The following DPYD variants were observed in gnomAD, a reference collection of about 807,000 sequenced individuals.
DPYD encodes the protein dihydropyrimidine dehydrogenase.
A neutral mutation model predicts 116.2 loss-of-function variants in DPYD; 109 were observed. The observed-to-expected ratio is 0.94, with a 90% confidence interval of 0.80 to 1.10. DPYD has a LOEUF of 1.10. Ranked by LOEUF, DPYD falls within the 50% of genes least tolerant of loss-of-function variation. The pLI is 0.00. For missense variants in DPYD, 1,302 were observed against 1,254.5 expected (o/e 1.04, Z -0.57); for synonymous variants, 440 against 432.0 (o/e 1.02, Z -0.23).
chr1:97,764,490 T>C (rs1398620770), intron 3 of DPYD, among the ~76,000 whole-genome samples: 1 of 152,072 alleles, frequency 6.6e-6, no homozygotes, highest in African/African-American at 2.4e-5. Flanking sequence ...TTAATAATAA[T>C]GAATACTTTT....
At chr1:97,374,725 A>AAAG (rs1275189285) in intron 15 of DPYD, among the ~76,000 whole-genome samples, 2 of 102,250 alleles carry the variant, frequency 2.0e-5, no homozygotes, top group African/African-American at 5.6e-5. Flanking sequence ...TCAGAAAAAA[A>AAAG]AAAAAAAAAA....
At chr1:97,120,254 T>C (rs1652320584) in intron 20 of DPYD, among the ~76,000 whole-genome samples, 1 of 152,214 alleles carries the variant, frequency 6.6e-6, no homozygotes, top group Non-Finnish European at 1.5e-5. Flanking sequence ...TTCTTCAAAA[T>C]GTGTATTCCT....
intron 13 of DPYD, among the ~76,000 whole-genome samples, chr1:97,451,045 G>A (rs966573196): frequency 6.6e-6 from 1 of 152,018 alleles, no homozygotes; most frequent in Non-Finnish European, 1.5e-5. Context: ...TTTAGTTAAG[G>A]ATTTATCAGA....
At chr1:97,584,121 T>C (rs535961502) in intron 10 of DPYD, among the ~76,000 whole-genome samples, 19 of 152,328 alleles carry the variant, frequency 1.2e-4, no homozygotes, top group Non-Finnish European at 2.4e-4. Context: ...TGGTGTGAGA[T>C]GGTATCTCAT....
At chr1:97,098,430 T>G in intron 21 of DPYD, 59 bp downstream of exon 21, 1 of 1,566,614 alleles carries the variant, frequency 6.4e-7, no homozygotes. Context: ...ACATTTTAAC[T>G]ATATTTGTAT....
intron 20 of DPYD, among the ~76,000 whole-genome samples, chr1:97,102,453 A>AATT: frequency 1.4e-5 from 1 of 72,190 alleles, no homozygotes; most frequent in African/African-American, 5.1e-5. Flanking sequence ...ATAAACCTGA[A>AATT]ATCTATTATC....
At chr1:97,203,663 C>CCT (rs1659374888) in intron 19 of DPYD, among the ~76,000 whole-genome samples, 1 of 17,176 alleles carries the variant, frequency 5.8e-5, no homozygotes, top group Non-Finnish European at 9.4e-5. Flanking sequence ...TGAGTTCAGA[C>CCT]CCCCCCCCCC....
chr1:97,885,064 G>C (rs1201334112), intron 1 of DPYD, among the ~76,000 whole-genome samples: 1 of 151,874 alleles, frequency 6.6e-6, no homozygotes, highest in Non-Finnish European at 1.5e-5. Context: ...GGAATCCAGA[G>C]GCTATGTGCA....
At chr1:97,206,452 G>T (rs1209120571) in intron 19 of DPYD, among the ~76,000 whole-genome samples, 2 of 150,996 alleles carry the variant, frequency 1.3e-5, no homozygotes, top group African/African-American at 4.9e-5. Context: ...TAGCAGATGG[G>T]TAAATATGGG....
chr1:97,196,988 A>G (rs1448750481), intron 19 of DPYD, among the ~76,000 whole-genome samples: 1 of 152,222 alleles, frequency 6.6e-6, no homozygotes, highest in Non-Finnish European at 1.5e-5. Context: ...TTACTTGTAC[A>G]GTATGAGTAA....
intron 8 of DPYD, among the ~76,000 whole-genome samples, chr1:97,600,448 T>A (rs1655179115): frequency 6.6e-6 from 1 of 152,184 alleles, no homozygotes; most frequent in Non-Finnish European, 1.5e-5. Flanking sequence ...ACTTTTGTCT[T>A]TATTTTTGTT....
At chr1:97,668,195 A>G (rs1158886731) in intron 8 of DPYD, among the ~76,000 whole-genome samples, 1 of 152,170 alleles carries the variant, frequency 6.6e-6, no homozygotes, top group Non-Finnish European at 1.5e-5. Flanking sequence ...AAAAAGAATT[A>G]ATTTAAAATA....
At chr1:97,435,836 T>C (rs1675442054) in intron 14 of DPYD, among the ~76,000 whole-genome samples, 1 of 151,788 alleles carries the variant, frequency 6.6e-6, no homozygotes, top group African/African-American at 2.4e-5. Context: ...AACTAGCTAC[T>C]GGCAAAAAAG....
At chr1:97,812,539 C>A (rs1448511832) in intron 3 of DPYD, among the ~76,000 whole-genome samples, 2 of 151,912 alleles carry the variant, frequency 1.3e-5, no homozygotes, top group Admixed American at 6.6e-5. Flanking sequence ...AACAGTAACA[C>A]AATAATCTAG....
intron 18 of DPYD, among the ~76,000 whole-genome samples, chr1:97,263,247 G>T (rs1233677716): frequency 6.6e-6 from 1 of 152,084 alleles, no homozygotes; most frequent in Non-Finnish European, 1.5e-5. Context: ...AACAAGAAGA[G>T]AAGAAATTGC....
At chr1:97,606,762 G>T (rs896942905) in intron 8 of DPYD, among the ~76,000 whole-genome samples, 1 of 151,966 alleles carries the variant, frequency 6.6e-6, no homozygotes, top group Non-Finnish European at 1.5e-5. Flanking sequence ...GAAATAATTT[G>T]CAGAAAATAA....
At chr1:97,097,571 C>G (rs1650356627) in intron 21 of DPYD, among the ~76,000 whole-genome samples, 1 of 152,042 alleles carries the variant, frequency 6.6e-6, no homozygotes, top group South Asian at 2.1e-4. Context: ...CTCCATTTTT[C>G]TCATTATGAC....
At chr1:97,720,512 G>T in intron 5 of DPYD, 1 of 1,006,310 alleles carries the variant, frequency 9.9e-7, no homozygotes, top group South Asian at 4.5e-5. Context: ...CCACAACCTC[G>T]AATTGTTTTT....
chr1:97,670,457 C>T (rs558972045), intron 8 of DPYD, among the ~76,000 whole-genome samples: 24 of 152,044 alleles, frequency 1.6e-4, no homozygotes, highest in Non-Finnish European at 2.8e-4. Context: ...TCTTTCCATG[C>T]GGATAAACCA....
Sources: gnomAD v4.1 joint callset for allele counts (sites outside exome capture counted in the v4.1 genomes callset) on GRCh38, gnomAD v4.1.1 for gene constraint, MANE v1.5 for transcripts, NCBI Gene and HGNC (gene_info 2026-07-23, HGNC 2026-07-21) for gene names.